LRRTM4: variants seen among roughly 807,000 people sequenced by gnomAD.
LRRTM4 encodes the protein leucine-rich repeat transmembrane neuronal protein 4.
In LRRTM4, 25 loss-of-function variants were observed where a neutral mutation model predicts 47.6. The ratio of observed to expected loss-of-function variants is 0.53; its 90% CI spans 0.38 to 0.73. The LOEUF is 0.73. LRRTM4 is among the 30% of genes least tolerant of loss of function. LRRTM4 has a pLI of 0.00. For synonymous variants in LRRTM4, 311 were observed against 269.5 expected (o/e 1.15, Z -1.51); for missense variants, 638 against 713.4 (o/e 0.89, Z 1.20).
chr2:77,504,129 A>T (rs1486840434), intron 3 of LRRTM4, among the ~76,000 whole-genome samples: 1 of 151,696 alleles, frequency 6.6e-6, no homozygotes, highest in African/African-American at 2.4e-5. Flanking sequence ...GTAATACTCA[A>T]GTATGTTTAA....
intron 3 of LRRTM4, among the ~76,000 whole-genome samples, chr2:76,844,014 G>C (rs976472299): frequency 1.3e-5 from 2 of 148,398 alleles, no homozygotes; most frequent in African/African-American, 5.0e-5. Flanking sequence ...CCATTCTCCT[G>C]CCTCAGCCTC....
intron 3 of LRRTM4, among the ~76,000 whole-genome samples, chr2:77,348,498 A>C (rs1671648354): frequency 6.6e-6 from 1 of 150,434 alleles, no homozygotes; most frequent in Admixed American, 6.6e-5. Context: ...ATATATACAC[A>C]CATACAATGT....
Position 77,354,960 on chromosome 2 carries a change from G to A in LRRTM4, c.1551+163358C>T, listed in dbSNP as rs373012892. Among the ~76,000 whole-genome samples, 73 of 152,236 alleles carry A rather than the reference G, an allele frequency of 4.8e-4. 1 individual carries two copies. The South Asian group carries it at 0.015, about 31-fold the overall frequency. The stretch of plus-strand genomic sequence containing the variant: ...TACACTGGTTTTACATATACATAAA[G>A]ATAGAAGGGAATGAAAACAATTTAT... On this transcript the variant is annotated intron_variant, in intron 3 of 3. Coordinates refer to ENST00000409884, the MANE Select transcript of LRRTM4 (RefSeq NM_001134745.3).
chr2:76,772,000 G>C (rs929513372), intron 3 of LRRTM4, among the ~76,000 whole-genome samples: 1 of 152,296 alleles, frequency 6.6e-6, no homozygotes, highest in East Asian at 1.9e-4. Context: ...CAAATGCCAA[G>C]ATTTAAGGGA....
At chr2:77,277,775 G>C (rs563066130) in intron 3 of LRRTM4, among the ~76,000 whole-genome samples, 3 of 152,044 alleles carry the variant, frequency 2.0e-5, no homozygotes, top group Non-Finnish European at 2.9e-5. Context: ...TACATGACTT[G>C]TGTAATTACA....
chr2:76,812,735 C>CCTCCTCCTCCTCTCCCTCCTT (rs1158375275), intron 3 of LRRTM4, among the ~76,000 whole-genome samples: 2 of 109,376 alleles, frequency 1.8e-5, no homozygotes, highest in Non-Finnish European at 3.6e-5. Flanking sequence ...TTTTTCTCCT[C>CCTCCTCCTCCTCTCCCTCCTT]CTCCTCCTCC....
intron 3 of LRRTM4, among the ~76,000 whole-genome samples, chr2:76,957,448 T>C (rs1182258833): frequency 6.6e-6 from 1 of 151,778 alleles, no homozygotes; most frequent in Non-Finnish European, 1.5e-5. Context: ...TCACAAATAA[T>C]TTCAAGGTAA....
intron 3 of LRRTM4, among the ~76,000 whole-genome samples, chr2:76,816,244 G>A (rs1670892383): frequency 6.6e-6 from 1 of 152,064 alleles, no homozygotes; most frequent in Non-Finnish European, 1.5e-5. Flanking sequence ...ACCATTAGAA[G>A]ACCCTGTCTC....
intron 3 of LRRTM4, among the ~76,000 whole-genome samples, chr2:77,109,136 A>G (rs1195256092): frequency 6.6e-6 from 1 of 152,192 alleles, no homozygotes; most frequent in Non-Finnish European, 1.5e-5. Flanking sequence ...TTTATTTGCC[A>G]TGTTGGGTTT....
At chr2:76,995,523 C>A (rs1470314657) in intron 3 of LRRTM4, among the ~76,000 whole-genome samples, 1 of 151,268 alleles carries the variant, frequency 6.6e-6, no homozygotes, top group Admixed American at 6.6e-5. Context: ...AGATCAAATT[C>A]TGGGGGAGGC....
At chr2:76,856,847 G>A (rs1167186709) in intron 3 of LRRTM4, among the ~76,000 whole-genome samples, 1 of 151,864 alleles carries the variant, frequency 6.6e-6, no homozygotes, top group East Asian at 1.9e-4. Flanking sequence ...GTAATATTTT[G>A]TGTGACTTTT....
intron 3 of LRRTM4, among the ~76,000 whole-genome samples, chr2:76,985,446 A>G (rs142617618): frequency 7.0e-4 from 106 of 152,090 alleles, no homozygotes; most frequent in African/African-American, 2.5e-3. Flanking sequence ...GAACAGAGGA[A>G]TAAGAAGCAA....
At chr2:77,313,290 AACTTTT>A (rs1677514566) in intron 3 of LRRTM4, among the ~76,000 whole-genome samples, 7 of 148,468 alleles carry the variant, frequency 4.7e-5, no homozygotes, top group East Asian at 4.1e-4. Flanking sequence ...GTGCCCCCCT[AACTTTT>A]CCTGGGACCT....
At position 77,430,040 on chromosome 2, in the gene LRRTM4, G is replaced by A. The variant is rs530226106; in HGVS notation, c.1551+88278C>T. ...GCAATTCTGCCACTGCACTCCAGCA[G>A]CCTGGGCAGCAGAGTAAGGCTGTGT... is the stretch of plus-strand genomic sequence containing the variant. On this transcript the variant is annotated intron_variant, in intron 3 of 3. Coordinates refer to ENST00000409884, the MANE Select transcript of LRRTM4 (RefSeq NM_001134745.3). 1.8e-4 allele frequency among the ~76,000 whole-genome samples: 28 copies of A among 152,114 alleles called. No homozygotes were observed. The East Asian group carries it at 3.7e-3, about 20-fold the overall frequency.
chr2:77,304,739 A>G (rs1449522363), intron 3 of LRRTM4, among the ~76,000 whole-genome samples: 5 of 152,092 alleles, frequency 3.3e-5, no homozygotes, highest in Non-Finnish European at 7.4e-5. Context: ...TGTTTTCCCT[A>G]CATTATCTCA....
rs769445777 is a variant in LRRTM4 at position 77,519,334 on chromosome 2, C to T, written c.535G>A (p.Asp179Asn). 2 of 1,613,302 alleles carry T rather than the reference C, an allele frequency of 1.2e-6. No homozygotes were observed. The part of the protein sequence containing the change: ...LKTVPIRVFQ[D>N]CRNLDFLDLG... ...TCCAAAAAATCAAGATTCCGACAGTCTTGAAAAACTCTTATGGGCACAGTC... is the reference window on the plus strand; with the variant it reads ...TCCAAAAAATCAAGATTCCGACAGTTTTGAAAAACTCTTATGGGCACAGTC... The change falls in exon 3 of 4, where the codon GAC (aspartate) becomes AAC (asparagine). Residue 179 changes from aspartate to asparagine, a missense_variant. Transcript: ENST00000409884. The surrounding 1 kb of genome is among the most constrained non-coding windows in gnomAD (Gnocchi z 4.6).
At chr2:77,219,005 C>T (rs1674541346) in intron 3 of LRRTM4, among the ~76,000 whole-genome samples, 1 of 152,176 alleles carries the variant, frequency 6.6e-6, no homozygotes, top group African/African-American at 2.4e-5. Flanking sequence ...ACTGGAATGA[C>T]AGAGTATTGA....
chr2:77,126,198 C>G (rs186095894), intron 3 of LRRTM4, among the ~76,000 whole-genome samples: 1 of 151,682 alleles, frequency 6.6e-6, no homozygotes, highest in African/African-American at 2.4e-5. Context: ...ACTAACTTGC[C>G]TTGATTATTG....
rs58523654 is a variant in LRRTM4, at chr2:76,843,909, A to C, written c.1552-94993T>G. Among the ~76,000 whole-genome samples the C allele has an allele frequency of 2.9e-5, 4 of 137,476 alleles. No homozygotes were observed. In the Admixed American group the frequency reaches 2.9e-4, roughly 10 times the overall value. 90.2% of individuals were successfully genotyped at this position (137,476 alleles called of 152,430 possible). A position where few individuals can be genotyped will look rare whatever the true frequency, so the allele number is the denominator to read the frequency against. ...TTAATGATAATTTCTTTCTTTTTTC[A>C]TTTTTTTTTTTTTTTTGAGATGGAG... On this transcript the variant is annotated intron_variant, in intron 3 of 3. Transcript: ENST00000409884.
Sources: allele counts gnomAD v4.1 joint callset (sites outside exome capture counted in the v4.1 genomes callset), GRCh38; gene constraint gnomAD v4.1.1; non-coding constraint Gnocchi (gnomAD v3.1); transcripts MANE v1.5; gene names NCBI Gene and HGNC (gene_info 2026-07-23, HGNC 2026-07-21).